The following LRP2 variants were observed in gnomAD, a reference collection of about 807,000 sequenced individuals.
The protein encoded by LRP2 is low-density lipoprotein receptor-related protein 2.
In LRP2, 172 loss-of-function variants were observed where a neutral mutation model predicts 531.0. The ratio of observed to expected loss-of-function variants is 0.32; its 90% confidence interval spans 0.29 to 0.37. LRP2 has a LOEUF of 0.37. LRP2 is among the 10% of genes least tolerant of loss of function. The pLI, the probability that LRP2 is intolerant of heterozygous loss-of-function variation, is 1.00. For missense variants in LRP2, 5,167 were observed against 5,868.3 expected, an observed-to-expected ratio of 0.88 and a Z score of 3.90; for synonymous variants, 1,992 against 2,027.6, an observed-to-expected ratio of 0.98 and a Z score of 0.47.
In LRP2 at chr2:169,292,284, G is replaced by A; in HGVS notation, c.738C>T (p.Asp246=). The A allele has an allele frequency of 6.2e-7, 1 of 1,613,728 alleles. No individual in the cohort carries two copies. Among genetic ancestry groups the A allele is most frequent in the Non-Finnish European group, 8.5e-7 (1 of 1,179,650 alleles). Residue 246 remains aspartate (D), a synonymous_variant, in exon 7 of 79, where the codon GAC becomes GAT. Coordinates refer to ENST00000649046, the MANE Select transcript of LRP2 (RefSeq NM_004525.3). ...YQNWVCDGED[D]CKDNGDEDGC... ...CATCTTCATCTCCATTATCTTTACAGTCATCTTCTCCATCACAAACCCAGT... is the reference window on the plus strand; with the variant it reads ...CATCTTCATCTCCATTATCTTTACAATCATCTTCTCCATCACAAACCCAGT...
intron 2 of LRP2, 89 bp downstream of exon 2, chr2:169,320,688 G>C (rs1684886579): frequency 9.3e-7 from 1 of 1,077,598 alleles, no homozygotes. Context: ...TCACTAAAAG[G>C]CATAGCTCTT....
chr2:169,225,759 A>G (rs1325099273), intron 32 of LRP2, among the ~76,000 whole-genome samples: 2 of 152,238 alleles, frequency 1.3e-5, no homozygotes, highest in Non-Finnish European at 2.9e-5. Flanking sequence ...GAAGACCAGG[A>G]GTATATTTTG....
rs1364244260 is a variant in LRP2 at position 169,251,762 on chromosome 2, A to C, written c.2771-4247T>G. ...CCGCTAGCAAGACTAATAAAGAAAG[A>C]AGAGAGAAGAATCAAATAGACACAA... On this transcript the variant is annotated intron_variant, in intron 19 of 78. Coordinates refer to ENST00000649046, the MANE Select transcript of LRP2 (RefSeq NM_004525.3). Among the ~76,000 whole-genome samples the C allele has an allele frequency of 1.4e-4, 13 of 93,786 alleles. 5 individuals are homozygous for C. Among genetic ancestry groups the C allele is most frequent in the African/African-American group, 2.3e-4 (4 of 17,592 alleles). 61.5% of individuals were successfully genotyped at this position (93,786 alleles called of 152,430 possible).
chr2:169,190,188 A>G (rs1687782063), intron 48 of LRP2, among the ~76,000 whole-genome samples: 1 of 152,274 alleles, frequency 6.6e-6, no homozygotes, highest in Non-Finnish European at 1.5e-5. Context: ...AAATATAGAC[A>G]AAGATTTATC....
At chr2:169,344,904 T>C (rs1685657946) in intron 1 of LRP2, among the ~76,000 whole-genome samples, 1 of 152,138 alleles carries the variant, frequency 6.6e-6, no homozygotes, top group African/African-American at 2.4e-5. Flanking sequence ...AAAACTGGCT[T>C]ATGATTAAGA....
At chr2:169,309,408 T>G (rs1258718514) in intron 3 of LRP2, among the ~76,000 whole-genome samples, 1 of 152,206 alleles carries the variant, frequency 6.6e-6, no homozygotes, top group African/African-American at 2.4e-5. Flanking sequence ...GTATAAGGTG[T>G]AAGGAAGGGA....
intron 24 of LRP2, 25 bp from the exon 25 acceptor site, chr2:169,241,390 C>A (rs777589003): frequency 1.2e-6 from 2 of 1,613,146 alleles, no homozygotes; most frequent in Non-Finnish European, 1.7e-6. Context: ...TGGGGTAAAT[C>A]GGCTTGTGAA....
At chr2:169,217,860 C>A (rs1298462971) in intron 34 of LRP2, among the ~76,000 whole-genome samples, 2 of 152,144 alleles carry the variant, frequency 1.3e-5, no homozygotes, top group Non-Finnish European at 2.9e-5. Context: ...ACTCAGGTTT[C>A]TCTATTCTGA....
intron 43 of LRP2, among the ~76,000 whole-genome samples, chr2:169,202,281 A>G (rs1688228347): frequency 6.6e-6 from 1 of 152,200 alleles, no homozygotes; most frequent in Non-Finnish European, 1.5e-5. Flanking sequence ...CTCTATTCAG[A>G]TGGAAGCTGA....
At chr2:169,138,036 G>T (rs1353135471) in intron 75 of LRP2, among the ~76,000 whole-genome samples, 1 of 152,100 alleles carries the variant, frequency 6.6e-6, no homozygotes, top group East Asian at 1.9e-4. Flanking sequence ...CTCCCAGGAG[G>T]TATTATTTTA....
Position 169,344,067 on chromosome 2 carries a change from A to G in LRP2, c.79+18254T>C, listed in dbSNP as rs545573858. ...GAAAATCCTCAGAGAATGCAATGGC[A>G]TATTCAGGGGCATAGGATATGGTTT... On this transcript the variant is annotated intron_variant, in intron 1 of 78. Coordinates refer to ENST00000649046, the MANE Select transcript of LRP2 (RefSeq NM_004525.3). Among the ~76,000 whole-genome samples, 6 of 152,290 alleles carry G rather than the reference A, an allele frequency of 3.9e-5. No individual in the cohort carries two copies. In the East Asian group the frequency reaches 1.2e-3, roughly 29 times the overall value.
intron 31 of LRP2, among the ~76,000 whole-genome samples, chr2:169,228,381 A>T (rs1368203182): frequency 1.3e-5 from 2 of 151,766 alleles, no homozygotes; most frequent in African/African-American, 4.8e-5. Context: ...GATGATATTT[A>T]ATTATTTATT....
At chr2:169,134,449 C>G (rs1022611462) in intron 76 of LRP2, among the ~76,000 whole-genome samples, 1 of 152,166 alleles carries the variant, frequency 6.6e-6, no homozygotes, top group Admixed American at 6.5e-5. Flanking sequence ...GACTGTATCT[C>G]TCTGATCCAC....
chr2:169,141,751 G>T (rs934156498), intron 71 of LRP2, among the ~76,000 whole-genome samples: 20 of 152,204 alleles, frequency 1.3e-4, no homozygotes, highest in African/African-American at 4.8e-4. Flanking sequence ...CTCAAAGCCT[G>T]AAATTGTCAT....
At chr2:169,317,577 A>G (rs1422659476) in intron 3 of LRP2, among the ~76,000 whole-genome samples, 1 of 152,212 alleles carries the variant, frequency 6.6e-6, no homozygotes, top group Non-Finnish European at 1.5e-5. Flanking sequence ...TAGGCTTCTT[A>G]TTATGTGAGA....
At chr2:169,129,416 T>A (rs961601943) in intron 77 of LRP2, among the ~76,000 whole-genome samples, 2 of 152,228 alleles carry the variant, frequency 1.3e-5, no homozygotes, top group South Asian at 4.1e-4. Context: ...ATGCACAAGA[T>A]GCATCTGGAG....
intron 19 of LRP2, 39 bp from the exon 20 acceptor site, chr2:169,247,554 A>G: frequency 6.2e-7 from 1 of 1,610,006 alleles, no homozygotes; most frequent in South Asian, 1.1e-5. Context: ...TTTCAGTCAC[A>G]GCTAACTTAT....
At position 169,209,532 on chromosome 2, in the gene LRP2, ATCTG is replaced by A; in HGVS notation, c.6386_6389del (p.Pro2129LeufsTer5). ...TCACAATGTTCATCAGAGAAGATCCATCTGGTTTAATTCTACGGATCGCATTATC... is the reference window on the plus strand; with the variant it reads ...TCACAATGTTCATCAGAGAAGATCCAGTTTAATTCTACGGATCGCATTATC... On this transcript the variant is annotated frameshift_variant, in exon 38 of 79. Transcript: ENST00000649046. LOFTEE classifies it high-confidence loss of function. The A allele has an allele frequency of 6.2e-7, 1 of 1,614,148 alleles. No individual in the cohort carries two copies. The highest frequency in any genetic ancestry group is 8.5e-7 in the Non-Finnish European group (1 of 1,179,986).
chr2:169,285,185 G>A (rs1005846057), intron 9 of LRP2, among the ~76,000 whole-genome samples: 1 of 151,984 alleles, frequency 6.6e-6, no homozygotes, highest in African/African-American at 2.4e-5. Context: ...AGCCAGGCAT[G>A]GAGGCACGTG....
Sources: allele counts gnomAD v4.1 joint callset (sites outside exome capture counted in the v4.1 genomes callset), GRCh38; gene constraint gnomAD v4.1.1; transcripts MANE v1.5; gene names NCBI Gene and HGNC (gene_info 2026-07-23, HGNC 2026-07-21).